Variants in PRORP observed in about 807,000 individuals in gnomAD.
PRORP encodes mitochondrial ribonuclease P catalytic subunit.
PRORP carries 51 observed loss-of-function variants against 59.4 expected under a neutral mutation model. The ratio of observed to expected loss-of-function variants is 0.86; its 90% CI spans 0.69 to 1.08. The LOEUF is 1.08. Ranked by LOEUF, PRORP falls within the 50% of genes least tolerant of loss-of-function variation. PRORP has a pLI of 0.00. For missense variants in PRORP, 646 were observed against 690.3 expected (o/e 0.94, Z 0.72); for synonymous variants, 231 against 245.6 (o/e 0.94, Z 0.55).
intron 5 of PRORP, among the ~76,000 whole-genome samples, chr14:35,205,205 G>T (rs1262508768): frequency 6.6e-5 from 10 of 152,070 alleles, no homozygotes; most frequent in Admixed American, 6.6e-4. Context: ...GTTTTGAGAT[G>T]GAGTCTCGCT....
intron 4 of PRORP, among the ~76,000 whole-genome samples, chr14:35,164,378 G>C (rs996497313): frequency 5.3e-5 from 8 of 152,182 alleles, no homozygotes; most frequent in Non-Finnish European, 8.8e-5. Flanking sequence ...CAAAGACGTG[G>C]AATCAACCTA....
chr14:35,196,165 CAGTT>C (rs930898829), intron 5 of PRORP, among the ~76,000 whole-genome samples: 2 of 152,122 alleles, frequency 1.3e-5, no homozygotes, highest in Non-Finnish European at 2.9e-5. Context: ...AACAACTAAT[CAGTT>C]AGCAGCATTT....
At chr14:35,244,586 G>GATC (rs1374747388) in intron 5 of PRORP, among the ~76,000 whole-genome samples, 1 of 152,074 alleles carries the variant, frequency 6.6e-6, no homozygotes, top group Non-Finnish European at 1.5e-5. Flanking sequence ...AAAAATGGTA[G>GATC]AATATTGGCA....
At chr14:35,200,139 C>A (rs1417970952) in intron 5 of PRORP, among the ~76,000 whole-genome samples, 2 of 152,052 alleles carry the variant, frequency 1.3e-5, no homozygotes, top group African/African-American at 2.4e-5. Flanking sequence ...TCCCAAAAGC[C>A]ACGACAATTC....
At chr14:35,268,088 C>G (rs2051090006) in intron 6 of PRORP, among the ~76,000 whole-genome samples, 1 of 152,030 alleles carries the variant, frequency 6.6e-6, no homozygotes, top group Admixed American at 6.5e-5. Context: ...TGGCTCATGT[C>G]TATAATCCCA....
intron 4 of PRORP, among the ~76,000 whole-genome samples, chr14:35,160,877 T>C (rs2048042256): frequency 6.6e-6 from 1 of 152,204 alleles, no homozygotes; most frequent in South Asian, 2.1e-4. Context: ...TTATGAACCA[T>C]GCATACATGC....
intron 5 of PRORP, among the ~76,000 whole-genome samples, chr14:35,198,774 C>T (rs1040714334): frequency 6.6e-6 from 1 of 152,224 alleles, no homozygotes; most frequent in Non-Finnish European, 1.5e-5. Flanking sequence ...TGGCTCACGC[C>T]TGTAATCCCA....
At chr14:35,158,523 T>C (rs976334443) in intron 4 of PRORP, 3 of 230,098 alleles carry the variant, frequency 1.3e-5, no homozygotes, top group Non-Finnish European at 2.8e-5. Context: ...ATATTTTAAG[T>C]TCTTAGATTT....
chr14:35,234,648 CCTTT>C lies in PRORP; in HGVS notation c.1276-32073_1276-32070del, dbSNP rs377202613. ...TCAAATGTGATTAACTCTCTCAAAT[CCTTT>C]CTTTCCTCTTTCAACTGTTGTTCCT... On this transcript the variant is annotated intron_variant, in intron 5 of 7. Coordinates refer to ENST00000534898, the MANE Select transcript of PRORP (RefSeq NM_014672.4). 2.9e-3 allele frequency among the ~76,000 whole-genome samples: 439 copies of C among 149,996 alleles called. 1 individual carries two copies. Among genetic ancestry groups the C allele is most frequent in the African/African-American group, 0.01 (415 of 40,876 alleles).
At chr14:35,216,733 C>T (rs1329958302) in intron 5 of PRORP, among the ~76,000 whole-genome samples, 6 of 152,094 alleles carry the variant, frequency 3.9e-5, no homozygotes, top group African/African-American at 1.4e-4. Flanking sequence ...CTTTTTTCTC[C>T]AAAGGGCTGT....
chr14:35,238,148 C>T (rs559254156), intron 5 of PRORP, among the ~76,000 whole-genome samples: 8 of 151,888 alleles, frequency 5.3e-5, no homozygotes, highest in Non-Finnish European at 7.4e-5. Context: ...ATTAGATTCT[C>T]ATTTTACAAA....
At chr14:35,132,548 C>T (rs1438882279) in intron 4 of PRORP, among the ~76,000 whole-genome samples, 7 of 150,992 alleles carry the variant, frequency 4.6e-5, no homozygotes, top group African/African-American at 1.5e-4. Context: ...TTTGGGAGGC[C>T]GAGGTGGGTG....
At chr14:35,128,565 T>C (rs1363742905) in intron 4 of PRORP, among the ~76,000 whole-genome samples, 1 of 152,150 alleles carries the variant, frequency 6.6e-6, no homozygotes, top group Non-Finnish European at 1.5e-5. Context: ...TCAGTCTTAA[T>C]ATATTGAATC....
intron 5 of PRORP, among the ~76,000 whole-genome samples, chr14:35,182,259 A>G (rs2415273): frequency 6.6e-6 from 1 of 151,598 alleles, no homozygotes; most frequent in African/African-American, 2.4e-5. Context: ...AAACAAGACT[A>G]CATCTCAAAA....
intron 5 of PRORP, among the ~76,000 whole-genome samples, chr14:35,243,039 G>A (rs569082482): frequency 6.6e-6 from 1 of 152,254 alleles, no homozygotes; most frequent in South Asian, 2.1e-4. Flanking sequence ...CTGAAGTAAT[G>A]GTCACTCCAG....
Position 35,130,187 on chromosome 14 carries a change from T to A in PRORP, c.1167+2576T>A, listed in dbSNP as rs186865516. 1.7e-4 allele frequency among the ~76,000 whole-genome samples: 26 copies of A among 152,070 alleles called. 1 individual carries two copies. In the East Asian group the frequency reaches 4.7e-3, roughly 27 times the overall value. On this transcript the variant is annotated intron_variant, in intron 4 of 7. Coordinates refer to ENST00000534898, the MANE Select transcript of PRORP (RefSeq NM_014672.4). ...CTGGGACTACAGGTGCCCGCCACCA[T>A]GCCCGGCTAATTTTTTTGTATTTTT...
intron 2 of PRORP, among the ~76,000 whole-genome samples, chr14:35,124,607 A>C (rs945199394): frequency 1.3e-5 from 2 of 151,064 alleles, no homozygotes; most frequent in Non-Finnish European, 2.9e-5. Flanking sequence ...AATTTGTGCT[A>C]ATCTTTACCC....
At chr14:35,146,926 T>C (rs1257471263) in intron 4 of PRORP, among the ~76,000 whole-genome samples, 2 of 152,094 alleles carry the variant, frequency 1.3e-5, no homozygotes, top group Non-Finnish European at 2.9e-5. Flanking sequence ...ATCCCATCTC[T>C]ACAAAAAAAT....
chr14:35,155,303 T>C (rs956159532), intron 4 of PRORP, among the ~76,000 whole-genome samples: 1 of 151,928 alleles, frequency 6.6e-6, no homozygotes, highest in African/African-American at 2.4e-5. Flanking sequence ...ATAGATGGAG[T>C]TATATATGAA....
Sources: allele counts gnomAD v4.1 joint callset (sites outside exome capture counted in the v4.1 genomes callset), GRCh38; gene constraint gnomAD v4.1.1; transcripts MANE v1.5; gene names NCBI Gene and HGNC (gene_info 2026-07-23, HGNC 2026-07-21).